OSBPL9: variants seen among roughly 807,000 people sequenced by gnomAD.
OSBPL9 encodes oxysterol binding protein like 9.
A neutral mutation model predicts 106.6 loss-of-function variants in OSBPL9; 40 were observed. The observed-to-expected ratio is 0.38, with a 90% CI of 0.29 to 0.49. The LOEUF is 0.49. Ranked by LOEUF, OSBPL9 falls within the 20% of genes least tolerant of loss-of-function variation. The probability of loss-of-function intolerance (pLI) is 0.97; values close to 1 mark genes in which losing one functional copy is unlikely to be tolerated. For missense variants in OSBPL9, 609 were observed against 887.2 expected, an observed-to-expected ratio of 0.69 and a Z score of 3.98; for synonymous variants, 269 against 295.4, an observed-to-expected ratio of 0.91 and a Z score of 0.92.
intron 3 of OSBPL9, among the ~76,000 whole-genome samples, chr1:51,699,633 T>C (rs1656814301): frequency 1.3e-5 from 2 of 152,180 alleles, no homozygotes; most frequent in African/African-American, 4.8e-5. Flanking sequence ...CAAAAAGACA[T>C]TCCAGGCTCA....
In OSBPL9 at chr1:51,772,072, C is replaced by T. The variant is rs563621715; in HGVS notation, c.941C>T (p.Ser314Phe). The change falls in exon 13 of 24, where the codon TCT becomes TTT. Residue 314 changes from serine to phenylalanine, a missense_variant and splice_region_variant. Around this residue, in one of 5 missense-constraint regions of OSBPL9, gnomAD observed 356 missense variants for 505.8 expected, o/e 0.70. Coordinates refer to ENST00000428468, the MANE Select transcript of OSBPL9 (RefSeq NM_024586.6). ...TAAGGTAATTAATGTTTTTATAGTTCTTCTGGATCTGCCTCAGTCCTGACA... is the reference window on the plus strand; with the variant it reads ...TAAGGTAATTAATGTTTTTATAGTTTTTCTGGATCTGCCTCAGTCCTGACA... The part of the protein sequence containing the change: ...SGSSPKRLID[S>F]SGSASVLTHS... 1 of 1,608,806 alleles carries T rather than the reference C, an allele frequency of 6.2e-7. No homozygotes were observed. The highest frequency in any genetic ancestry group is 1.1e-5 in the South Asian group (1 of 90,318).
At chr1:51,579,241 A>G (rs1645205106) in intron 1 of OSBPL9, among the ~76,000 whole-genome samples, 3 of 152,152 alleles carry the variant, frequency 2.0e-5, no homozygotes, top group Non-Finnish European at 4.4e-5. Flanking sequence ...GTGAAACTGC[A>G]TGCAACACCA....
At position 51,788,099 on chromosome 1, in the gene OSBPL9, C is replaced by T. The variant is rs1678130433; in HGVS notation, c.*310C>T. 2.8e-6 allele frequency: 1 copy of T among 354,844 alleles called. No homozygotes were observed. The highest frequency in any genetic ancestry group is 5.2e-6 in the Non-Finnish European group (1 of 191,136). The allele number at this position is 354,844 out of a possible 1,614,324, so 22.0% of individuals were successfully genotyped here. A position where few individuals can be genotyped will look rare whatever the true frequency, so the allele number is the denominator to read the frequency against. ...ATAAATCCAAGTCTGAAACTCTGCGCTCTAGTACTGCTGTTAAGATACACA... is the reference window on the plus strand; with the variant it reads ...ATAAATCCAAGTCTGAAACTCTGCGTTCTAGTACTGCTGTTAAGATACACA... On this transcript the variant is annotated 3_prime_UTR_variant, in exon 24 of 24. Transcript: ENST00000428468.
intron 4 of OSBPL9, among the ~76,000 whole-genome samples, chr1:51,717,375 C>T (rs1001582967): frequency 3.3e-5 from 5 of 152,176 alleles, no homozygotes; most frequent in African/African-American, 1.2e-4. Context: ...AGTTAAAAAG[C>T]GTTTTCTTTG....
chr1:51,728,723 G>A (rs936954181), intron 4 of OSBPL9, among the ~76,000 whole-genome samples: 1 of 151,952 alleles, frequency 6.6e-6, no homozygotes, highest in African/African-American at 2.4e-5. Flanking sequence ...TGTTTTTGGG[G>A]TCTTCAACTC....
Position 51,617,238 on chromosome 1 carries a change from C to T in OSBPL9, c.111+17C>T. The T allele has an allele frequency of 6.3e-7, 1 of 1,594,162 alleles. No homozygotes were observed. Among genetic ancestry groups the T allele is most frequent in the Non-Finnish European group, 8.6e-7 (1 of 1,168,386 alleles). ...TACTACACGGTGAGTCCTTGGAGGGCACAGCTCCAGGCGCCTCGGGGCCGC... is the reference window on the plus strand; with the variant it reads ...TACTACACGGTGAGTCCTTGGAGGGTACAGCTCCAGGCGCCTCGGGGCCGC... On this transcript the variant is annotated intron_variant, in intron 1 of 23. Coordinates refer to ENST00000428468, the MANE Select transcript of OSBPL9 (RefSeq NM_024586.6).
chr1:51,787,284 TA>T, intron 22 of OSBPL9, 68 bp from the exon 23 acceptor site: 1 of 1,474,720 alleles, frequency 6.8e-7, no homozygotes. Flanking sequence ...ACTTGTATTA[TA>T]CTATATTCAG....
intron 2 of OSBPL9, among the ~76,000 whole-genome samples, chr1:51,598,415 A>C (rs745409515): frequency 6.6e-6 from 1 of 152,190 alleles, no homozygotes; most frequent in African/African-American, 2.4e-5. Context: ...CAATATCAGC[A>C]CTATTGACAT....
chr1:51,655,389 G>A (rs867201334), intron 2 of OSBPL9, among the ~76,000 whole-genome samples: 1 of 152,104 alleles, frequency 6.6e-6, no homozygotes, highest in African/African-American at 2.4e-5. Context: ...TCTTGGTCAC[G>A]TGGCCTAGAC....
chr1:51,528,993 GAAAGT>G, the OSBPL9 span, among the ~76,000 whole-genome samples: 1 of 152,120 alleles, frequency 6.6e-6, no homozygotes, highest in African/African-American at 2.4e-5. Flanking sequence ...ATCATTGAAA[GAAAGT>G]AAAGAAGACC....
At chr1:51,714,101 C>T in intron 4 of OSBPL9, 22 bp downstream of exon 4, 1 of 1,546,136 alleles carries the variant, frequency 6.5e-7, no homozygotes, top group Non-Finnish European at 8.8e-7. Flanking sequence ...TACATGGTTT[C>T]CAGATAGTTC....
chr1:51,567,918 A>G, the OSBPL9 span: 1 of 152,256 alleles, frequency 6.6e-6, no homozygotes, highest in Non-Finnish European at 1.5e-5. Flanking sequence ...AAGACCCAAG[A>G]CAAACACAGC....
upstream of OSBPL9, among the ~76,000 whole-genome samples, chr1:51,613,289 C>T (rs1258979231): frequency 5.3e-5 from 8 of 152,128 alleles, no homozygotes; most frequent in African/African-American, 1.7e-4. Flanking sequence ...AAAAGACATC[C>T]GCAACATGAG....
At chr1:51,597,421 ATATG>A (rs1282702114) in intron 1 of OSBPL9, among the ~76,000 whole-genome samples, 33 of 100,434 alleles carry the variant, frequency 3.3e-4, no homozygotes, top group African/African-American at 6.2e-4. Context: ...ATATATATAT[ATATG>A]TGTGTGTGTG....
At chr1:51,749,085 C>CAA (rs775561523) in intron 7 of OSBPL9, among the ~76,000 whole-genome samples, 1 of 134,528 alleles carries the variant, frequency 7.4e-6, no homozygotes, top group Non-Finnish European at 1.6e-5. Flanking sequence ...AACTGTGTCT[C>CAA]AAAAAAAAAA....
chr1:51,742,605 A>C (rs1000689616), intron 4 of OSBPL9, among the ~76,000 whole-genome samples: 6 of 151,584 alleles, frequency 4.0e-5, no homozygotes, highest in African/African-American at 1.5e-4. Context: ...GCTTGGTGGC[A>C]CATGCCTATA....
intron 4 of OSBPL9, among the ~76,000 whole-genome samples, chr1:51,715,524 A>C (rs1660878779): frequency 6.6e-6 from 1 of 152,092 alleles, no homozygotes; most frequent in African/African-American, 2.4e-5. Flanking sequence ...GGCTCACTGC[A>C]ACCTCCACCC....
At chr1:51,713,004 C>T (rs1660370132) in intron 3 of OSBPL9, among the ~76,000 whole-genome samples, 1 of 152,174 alleles carries the variant, frequency 6.6e-6, no homozygotes, top group African/African-American at 2.4e-5. Context: ...TCTAGTTTAT[C>T]ACTACTCCCA....
At chr1:51,564,646 TCA>T in the OSBPL9 span, among the ~76,000 whole-genome samples, 1 of 152,308 alleles carries the variant, frequency 6.6e-6, no homozygotes, top group African/African-American at 2.4e-5. Context: ...CCCACCAAAT[TCA>T]CAGTCATTCA....
Sources: allele counts gnomAD v4.1 joint callset (sites outside exome capture counted in the v4.1 genomes callset), GRCh38; gene constraint gnomAD v4.1.1; regional missense constraint gnomAD v4.1.1; transcripts MANE v1.5; gene names NCBI Gene and HGNC (gene_info 2026-07-23, HGNC 2026-07-21).